The following ACTR3C variants were observed in gnomAD, a reference collection of about 807,000 sequenced individuals.
The protein encoded by ACTR3C is actin related protein 3C.
In ACTR3C, 18 loss-of-function variants were observed where a neutral mutation model predicts 26.3. The observed-to-expected ratio is 0.68, with a 90% CI of 0.47 to 1.01. The LOEUF is 1.01. ACTR3C is among the 50% of genes least tolerant of loss of function. ACTR3C has a pLI of 0.00. For synonymous variants in ACTR3C, 55 were observed against 94.5 expected (o/e 0.58, Z 2.42); for missense variants, 184 against 250.7 (o/e 0.73, Z 1.80).
At chr7:150,031,289 C>T in the ACTR3C span, among the ~76,000 whole-genome samples, 1 of 115,652 alleles carries the variant, frequency 8.6e-6, no homozygotes, top group Non-Finnish European at 1.9e-5. Flanking sequence ...AAAAAAAAAA[C>T]AAATCTGAAC....
chr7:149,958,751 T>C, the ACTR3C span, among the ~76,000 whole-genome samples: 3 of 152,194 alleles, frequency 2.0e-5, no homozygotes, highest in African/African-American at 7.2e-5. Flanking sequence ...AGCAGTCAAG[T>C]CCACATATTT....
intron 1 of ACTR3C, among the ~76,000 whole-genome samples, chr7:150,319,599 G>A (rs1247898721): frequency 1.3e-5 from 2 of 152,228 alleles, no homozygotes; most frequent in Non-Finnish European, 2.9e-5. Context: ...GCAAATTCAG[G>A]TGCCTTTGAC....
chr7:149,907,478 T>TTCTCTTCTCTCTC, the ACTR3C span, among the ~76,000 whole-genome samples: 7,519 of 97,298 alleles, frequency 0.077, 513 homozygotes, highest in Non-Finnish European at 0.1. Flanking sequence ...CTCTCTTCTC[T>TTCTCTTCTCTCTC]TCTCTCTCTC....
chr7:149,900,684 T>C, the ACTR3C span, among the ~76,000 whole-genome samples: 6 of 152,178 alleles, frequency 3.9e-5, no homozygotes, highest in Non-Finnish European at 1.5e-5. Context: ...GCAAAAATTA[T>C]AACTGATGTG....
chr7:150,250,500 GCCGA>G (rs1339490616), intron 6 of ACTR3C, among the ~76,000 whole-genome samples: 2 of 152,036 alleles, frequency 1.3e-5, no homozygotes, highest in East Asian at 3.9e-4. Flanking sequence ...ACTGCGCCCG[GCCGA>G]CTTGAATTTT....
the ACTR3C span, among the ~76,000 whole-genome samples, chr7:150,178,452 T>C: frequency 6.7e-6 from 1 of 150,048 alleles, no homozygotes; most frequent in African/African-American, 2.5e-5. Flanking sequence ...CCGGCTAATG[T>C]TTTGCATTTT....
the ACTR3C span, among the ~76,000 whole-genome samples, chr7:150,037,845 G>T: frequency 1.7e-4 from 16 of 91,572 alleles, no homozygotes; most frequent in African/African-American, 5.7e-4. Flanking sequence ...CTCGCGGAGG[G>T]TGCCTCCGCC....
chr7:150,003,096 C>T, the ACTR3C span: 1 of 152,170 alleles, frequency 6.6e-6, no homozygotes, highest in South Asian at 2.1e-4. Flanking sequence ...GATGTAGTGG[C>T]TCCAAGTGGT....
At chr7:150,153,871 C>T in the ACTR3C span, among the ~76,000 whole-genome samples, 10 of 132,140 alleles carry the variant, frequency 7.6e-5, no homozygotes, top group Non-Finnish European at 1.1e-4. Context: ...GGCACATATA[C>T]ACCATGGAAT....
chr7:150,043,575 C>T, the ACTR3C span, among the ~76,000 whole-genome samples: 1 of 152,216 alleles, frequency 6.6e-6, no homozygotes, highest in Non-Finnish European at 1.5e-5. Context: ...GGCCTCATGG[C>T]TCCCACTTTG....
At chr7:149,923,379 A>G in the ACTR3C span, among the ~76,000 whole-genome samples, 1 of 152,320 alleles carries the variant, frequency 6.6e-6, no homozygotes, top group East Asian at 1.9e-4. Flanking sequence ...TTGGGTACAG[A>G]CAATTCAGAA....
the ACTR3C span, among the ~76,000 whole-genome samples, chr7:149,989,225 T>C: frequency 0.012 from 1,803 of 152,358 alleles, 12 homozygotes; most frequent in Non-Finnish European, 0.02. Context: ...TTGATATACA[T>C]ATACACATAT....
chr7:150,037,043 A>G, the ACTR3C span, among the ~76,000 whole-genome samples: 15 of 98,154 alleles, frequency 1.5e-4, no homozygotes, highest in African/African-American at 4.4e-4. Context: ...AAGAGGGGAT[A>G]GCTCTCAGTC....
At chr7:150,122,771 A>G in the ACTR3C span, among the ~76,000 whole-genome samples, 3 of 152,082 alleles carry the variant, frequency 2.0e-5, no homozygotes, top group Admixed American at 6.5e-5. Context: ...TCATTCCATT[A>G]TAAAGACACA....
the ACTR3C span, among the ~76,000 whole-genome samples, chr7:150,011,216 C>T: frequency 6.6e-6 from 1 of 152,130 alleles, no homozygotes; most frequent in Non-Finnish European, 1.5e-5. Flanking sequence ...GAATTTATGT[C>T]TCTATCTCTA....
the ACTR3C span, among the ~76,000 whole-genome samples, chr7:150,035,277 C>CACT: frequency 4.5e-5 from 2 of 44,838 alleles, no homozygotes; most frequent in Non-Finnish European, 1.1e-4. Context: ...TCAGTCCCTG[C>CACT]CTCGTGGAGA....
the ACTR3C span, among the ~76,000 whole-genome samples, chr7:150,158,631 T>C: frequency 6.6e-6 from 1 of 152,208 alleles, no homozygotes; most frequent in Non-Finnish European, 1.5e-5. Flanking sequence ...GGTGGACTTA[T>C]AGAAATAGAG....
the ACTR3C span, among the ~76,000 whole-genome samples, chr7:149,918,384 T>A: frequency 6.6e-6 from 1 of 152,106 alleles, no homozygotes; most frequent in Non-Finnish European, 1.5e-5. Flanking sequence ...TAAGCAATTA[T>A]TTTAAAAATT....
At chr7:150,034,695 T>G in the ACTR3C span, among the ~76,000 whole-genome samples, 3 of 151,588 alleles carry the variant, frequency 2.0e-5, no homozygotes, top group Admixed American at 6.6e-5. Context: ...AGATTTGAAC[T>G]TTCTACTTGG....
Sources: allele counts gnomAD v4.1 joint callset (sites outside exome capture counted in the v4.1 genomes callset), GRCh38; gene constraint gnomAD v4.1.1; transcripts MANE v1.5; gene names NCBI Gene and HGNC (gene_info 2026-07-23, HGNC 2026-07-21).